Variants in MMP26 observed in about 807,000 individuals in gnomAD.
MMP26 encodes matrix metalloproteinase-26.
A neutral mutation model predicts 31.0 loss-of-function variants in MMP26; 33 were observed. That is an observed-to-expected ratio of 1.06 (90% CI 0.81 to 1.42). MMP26 has a LOEUF of 1.42. MMP26 is among the 40% of genes most tolerant of loss of function. MMP26 has a pLI of 0.00. For missense variants in MMP26, 347 were observed against 316.1 expected (o/e 1.10, Z -0.74); for synonymous variants, 122 against 114.9 (o/e 1.06, Z -0.40).
Position 4,923,446 on chromosome 11 carries a change from G to T in MMP26, c.-144-64622G>T, listed in dbSNP as rs139084682. 1.9e-6 allele frequency: 3 copies of T among 1,604,078 alleles called. No homozygotes were observed. In the African/African-American group the frequency reaches 4.0e-5, roughly 22 times the overall value. ...TAATGATGCGCTGGCGAATTTGCTT[G>T]GTCTTGATGCTGTAGATGATGGGGT... On this transcript the variant is annotated intron_variant, in intron 2 of 7. Coordinates refer to ENST00000380390, the MANE Select transcript of MMP26 (RefSeq NM_021801.5).
intron 1 of MMP26, among the ~76,000 whole-genome samples, chr11:4,716,387 T>A (rs951968711): frequency 6.6e-6 from 1 of 151,998 alleles, no homozygotes; most frequent in Non-Finnish European, 1.5e-5. Context: ...AATGTTTTGA[T>A]CAAAAACAGA....
intron 1 of MMP26, among the ~76,000 whole-genome samples, chr11:4,718,425 C>T (rs1237405458): frequency 6.6e-6 from 1 of 152,170 alleles, no homozygotes; most frequent in African/African-American, 2.4e-5. Flanking sequence ...GTTTTCTGCT[C>T]CTTTGTTTGA....
At chr11:4,819,239 T>C (rs1564787660) in intron 2 of MMP26, among the ~76,000 whole-genome samples, 1 of 152,212 alleles carries the variant, frequency 6.6e-6, no homozygotes, top group Non-Finnish European at 1.5e-5. Context: ...ACACCAAAAC[T>C]GGTTTTCAGA....
chr11:4,948,655 C>A lies in MMP26; in HGVS notation c.-144-39413C>A, dbSNP rs1473504608. Among the ~76,000 whole-genome samples the A allele has an allele frequency of 2.4e-5, 3 of 123,224 alleles. 1 individual carries two copies. The highest frequency in any genetic ancestry group is 5.5e-5 in the Non-Finnish European group (3 of 54,402). 80.8% of individuals were successfully genotyped at this position (123,224 alleles called of 152,430 possible). On this transcript the variant is annotated intron_variant, in intron 2 of 7. Coordinates refer to ENST00000380390, the MANE Select transcript of MMP26 (RefSeq NM_021801.5). ...GTGAAAATCATGCTAGTATAGAGAT[C>A]CTAAGGAAAAGGCTCTTGAGGAGAA...
intron 2 of MMP26, chr11:4,882,889 G>A: frequency 4.4e-6 from 7 of 1,605,298 alleles, no homozygotes; most frequent in Non-Finnish European, 3.4e-6. Flanking sequence ...ATTGAAGGTA[G>A]GAAATTGTCA....
intron 2 of MMP26, among the ~76,000 whole-genome samples, chr11:4,789,185 G>T (rs959558389): frequency 1.3e-5 from 2 of 152,158 alleles, no homozygotes; most frequent in African/African-American, 4.8e-5. Flanking sequence ...TGTAACTGAG[G>T]TTAGAGATTG....
chr11:4,957,679 GT>G (rs563742759), intron 2 of MMP26, among the ~76,000 whole-genome samples: 9 of 148,628 alleles, frequency 6.1e-5, no homozygotes, highest in Admixed American at 1.3e-4. Context: ...ACACACTTCT[GT>G]TTTTTTTTCT....
intron 1 of MMP26, among the ~76,000 whole-genome samples, chr11:4,742,473 C>T (rs771257545): frequency 4.6e-5 from 7 of 152,084 alleles, no homozygotes; most frequent in Non-Finnish European, 7.4e-5. Flanking sequence ...CATGTGTCAA[C>T]TTGACTGGGT....
chr11:4,985,612 A>C (rs1846874131), intron 2 of MMP26, among the ~76,000 whole-genome samples: 1 of 152,152 alleles, frequency 6.6e-6, no homozygotes, highest in South Asian at 2.1e-4. Context: ...TGCTCATTTG[A>C]CCACATACAT....
At chr11:4,839,845 C>A (rs1021964079) in intron 2 of MMP26, among the ~76,000 whole-genome samples, 1 of 151,890 alleles carries the variant, frequency 6.6e-6, no homozygotes, top group African/African-American at 2.4e-5. Flanking sequence ...GGTACCAGCA[C>A]AACCACAGGG....
At chr11:4,935,393 A>T (rs558298434) in intron 2 of MMP26, among the ~76,000 whole-genome samples, 122 of 152,120 alleles carry the variant, frequency 8.0e-4, no homozygotes, top group African/African-American at 2.5e-3. Flanking sequence ...TTGTTGATGT[A>T]TAAGAATGCT....
In MMP26 at chr11:4,807,788, T is replaced by A. The variant is rs111256631; in HGVS notation, c.-145+40447T>A. ...ATAATTTTTAAAAAATGATAAAAAA[T>A]TTGTTTATTTGCTTGTTCTTTTTCT... On this transcript the variant is annotated intron_variant, in intron 2 of 7. Transcript: ENST00000380390. Among the ~76,000 whole-genome samples, 680 of 152,062 alleles carry A rather than the reference T, an allele frequency of 4.5e-3. 4 individuals carry two copies. Among genetic ancestry groups the A allele is most frequent in the African/African-American group, 0.015 (611 of 41,470 alleles).
intron 2 of MMP26, among the ~76,000 whole-genome samples, chr11:4,970,045 A>T (rs1846645164): frequency 6.6e-6 from 1 of 152,176 alleles, no homozygotes; most frequent in African/African-American, 2.4e-5. Flanking sequence ...TCTACATAAC[A>T]TGTTTACATG....
chr11:4,915,742 G>T (rs1851078440), intron 2 of MMP26: 2 of 916,506 alleles, frequency 2.2e-6, no homozygotes, highest in Non-Finnish European at 3.3e-6. Flanking sequence ...GATTGCACCT[G>T]GTGGAAATTA....
intron 2 of MMP26, chr11:4,924,015 A>T: frequency 6.2e-7 from 1 of 1,614,142 alleles, no homozygotes; most frequent in Non-Finnish European, 8.5e-7. Context: ...ATTGAAGACA[A>T]GGTGTGGATG....
chr11:4,877,516 C>T (rs1850399863), intron 2 of MMP26: 1 of 152,194 alleles, frequency 6.6e-6, no homozygotes, highest in Non-Finnish European at 1.5e-5. Context: ...ATGGCATCTA[C>T]TATTTCCAAG....
chr11:4,896,395 C>A (rs1850704390), intron 2 of MMP26, among the ~76,000 whole-genome samples: 1 of 152,190 alleles, frequency 6.6e-6, no homozygotes, highest in Non-Finnish European at 1.5e-5. Flanking sequence ...CTGCCACCCT[C>A]TGTAAACAAA....
intron 2 of MMP26, among the ~76,000 whole-genome samples, chr11:4,868,045 T>C (rs1589924258): frequency 6.6e-6 from 1 of 152,124 alleles, no homozygotes; most frequent in South Asian, 2.1e-4. Flanking sequence ...AGATATACCA[T>C]GTAATACTAT....
At chr11:4,973,953 C>G (rs1301060456) in intron 2 of MMP26, 2 of 152,054 alleles carry the variant, frequency 1.3e-5, no homozygotes, top group East Asian at 3.9e-4. Context: ...TAGATCGGCT[C>G]AAATGCCTGG....
Sources: allele counts gnomAD v4.1 joint callset (sites outside exome capture counted in the v4.1 genomes callset), GRCh38; gene constraint gnomAD v4.1.1; transcripts MANE v1.5; gene names NCBI Gene and HGNC (gene_info 2026-07-23, HGNC 2026-07-21).